Variants in ATRX observed in about 807,000 individuals in gnomAD.
ATRX encodes the protein chromatin remodeler ATRX.
A neutral mutation model predicts 172.6 loss-of-function variants in ATRX; 12 were observed. That is an observed-to-expected ratio of 0.07 (90% CI 0.04 to 0.11). ATRX has a LOEUF of 0.11. Ranked by LOEUF, ATRX falls within the 10% of genes least tolerant of loss-of-function variation. The pLI is 1.00. For missense variants in ATRX, 1,368 were observed against 1,767.4 expected, an observed-to-expected ratio of 0.77 and a Z score of 4.05; for synonymous variants, 674 against 594.7, an observed-to-expected ratio of 1.13 and a Z score of -1.94.
At chrX:77,672,940 C>A (rs534716133) in intron 10 of ATRX, among the ~76,000 whole-genome samples, 2 of 110,926 alleles carry the variant, frequency 1.8e-5, no homozygotes, top group East Asian at 2.8e-4. Flanking sequence ...GCAAAATAAG[C>A]GAATAAAGAA....
At chrX:77,761,500 G>A (rs1557192718) in intron 1 of ATRX, among the ~76,000 whole-genome samples, 1 of 111,409 alleles carries the variant, frequency 9.0e-6, no homozygotes, top group Non-Finnish European at 1.9e-5. Flanking sequence ...TCATGCCTCT[G>A]CACTCCAGCT....
At chrX:77,693,650 G>A (rs1269938426) in intron 6 of ATRX, among the ~76,000 whole-genome samples, 174 bp downstream of exon 6, 2 of 111,835 alleles carry the variant, frequency 1.8e-5, no homozygotes, top group African/African-American at 6.5e-5. Flanking sequence ...TTCGATAAAT[G>A]GTGCTTAACC....
chrX:77,631,449 A>T (rs782085928), intron 19 of ATRX, among the ~76,000 whole-genome samples: 10 of 111,322 alleles, frequency 9.0e-5, no homozygotes, highest in Admixed American at 1.9e-4. Context: ...AGGGACAGGT[A>T]AAAGTAGCAG....
At chrX:77,510,214 G>T (rs1396096685) in intron 34 of ATRX, among the ~76,000 whole-genome samples, 1 of 111,493 alleles carries the variant, frequency 9.0e-6, no homozygotes, top group Non-Finnish European at 1.9e-5. Context: ...TCTCTTGAAG[G>T]AAATGACTCA....
chrX:77,682,877 T>C lies in ATRX; in HGVS notation c.2379A>G (p.Lys793=). Reference sequence around the variant, plus strand: ...TAGAGCTCTTAGCTGATTTGCCCTTTTTAGTATCAAAATCTGAGCCAGATG... The same window carrying C: ...TAGAGCTCTTAGCTGATTTGCCCTTCTTAGTATCAAAATCTGAGCCAGATG... The part of the protein sequence containing the change: ...SSTSGSDFDT[K]KGKSAKSSII... Residue 793 remains lysine, a synonymous_variant, in exon 9 of 35, where the codon AAA becomes AAG. Coordinates refer to ENST00000373344, the MANE Select transcript of ATRX (RefSeq NM_000489.6). The C allele has an allele frequency of 8.3e-7, 1 of 1,209,989 alleles. No individual in the cohort carries two copies. The highest frequency in any genetic ancestry group is 1.1e-6 in the Non-Finnish European group (1 of 895,049).
At chrX:77,611,411 G>C (rs1027944529) in intron 22 of ATRX, among the ~76,000 whole-genome samples, 3 of 111,908 alleles carry the variant, frequency 2.7e-5, no homozygotes, top group African/African-American at 6.5e-5. Flanking sequence ...AAATTTAGTA[G>C]TGTTCTGCAT....
At chrX:77,765,045 T>C (rs1430150760) in intron 1 of ATRX, among the ~76,000 whole-genome samples, 4 of 110,642 alleles carry the variant, frequency 3.6e-5, no homozygotes, top group Admixed American at 1.9e-4. Flanking sequence ...TGGGTGCCTG[T>C]AATCCCAGCT....
rs781872907 is a variant in ATRX, at chrX:77,746,065, T to C, written c.21-28822A>G. ...ATACACTGTTGGTGGGAATAACACA[T>C]GTTCTCATTCACATGTGGATGCTGA... is the stretch of plus-strand genomic sequence containing the variant. On this transcript the variant is annotated intron_variant, in intron 1 of 34. Transcript: ENST00000373344. Among the ~76,000 whole-genome samples the C allele has an allele frequency of 1.9e-4, 21 of 111,690 alleles. 1 individual carries two copies. The highest frequency in any genetic ancestry group is 6.2e-4 in the African/African-American group (19 of 30,773).
Position 77,683,111 on chromosome X carries a change from T to C in ATRX, c.2145A>G (p.Lys715=), listed in dbSNP as rs782141994. 2 of 1,210,975 alleles carry C rather than the reference T, an allele frequency of 1.7e-6. No homozygotes were observed. The highest frequency in any genetic ancestry group is 4.3e-5 in the Admixed American group (2 of 46,002). ...DSAIDNPKPN[K]LPKSKQSETV... is the part of the protein sequence containing the mutation. ...TCTCTGATTGCTTAGATTTTGGCAA[T>C]TTATTAGGCTTAGGATTATCTATAG... The change falls in exon 9 of 35, where the codon AAA becomes AAG. Residue 715 remains lysine (K), a synonymous_variant. Transcript: ENST00000373344.
intron 2 of ATRX, among the ~76,000 whole-genome samples, chrX:77,701,271 G>A (rs781998572): frequency 2.0e-3 from 226 of 111,205 alleles, no homozygotes; most frequent in African/African-American, 6.9e-3. Flanking sequence ...TAGCACTTTG[G>A]GAGGCTGAGG....
intron 17 of ATRX, 30 bp downstream of exon 17, chrX:77,634,564 C>G (rs781802700): frequency 1.3e-5 from 15 of 1,117,760 alleles, no homozygotes; most frequent in Non-Finnish European, 1.9e-5. Flanking sequence ...TCCACAAAAA[C>G]AGGATACCTT....
intron 9 of ATRX, among the ~76,000 whole-genome samples, chrX:77,677,981 CG>C (rs1203599617): frequency 1.8e-5 from 2 of 110,767 alleles, no homozygotes; most frequent in African/African-American, 6.6e-5. Context: ...CTGAGGCAGG[CG>C]GATCACTTGA....
intron 27 of ATRX, among the ~76,000 whole-genome samples, chrX:77,582,602 C>T (rs2065865936): frequency 9.0e-6 from 1 of 110,572 alleles, no homozygotes; most frequent in Non-Finnish European, 1.9e-5. Context: ...AACTTTGAGA[C>T]AGACTAAGCA....
chrX:77,665,442 C>T (rs1462332740), intron 10 of ATRX, among the ~76,000 whole-genome samples: 1 of 111,142 alleles, frequency 9.0e-6, no homozygotes, highest in Non-Finnish European at 1.9e-5. Flanking sequence ...GTAAAAAGAA[C>T]ACGAATTACC....
intron 15 of ATRX, among the ~76,000 whole-genome samples, chrX:77,636,830 AAGGAGGAAGGAGGTGGAAGG>A (rs1473857722): frequency 9.6e-6 from 1 of 103,704 alleles, no homozygotes; most frequent in Non-Finnish European, 2.0e-5. Flanking sequence ...AGGAAGCAGG[AAGGAGGAAGGAGGTGGAAGG>A]AGGAGGAAGG....
chrX:77,512,862 TC>T (rs2062917691), intron 34 of ATRX, among the ~76,000 whole-genome samples: 1 of 110,177 alleles, frequency 9.1e-6, no homozygotes, highest in Non-Finnish European at 1.9e-5. Flanking sequence ...ACAGTGAAAC[TC>T]CGTCTCAAAA....
At chrX:77,516,243 A>G (rs938980842) in intron 34 of ATRX, among the ~76,000 whole-genome samples, 1 of 112,176 alleles carries the variant, frequency 8.9e-6, no homozygotes, top group Admixed American at 9.5e-5. Flanking sequence ...TAAAAACAGA[A>G]TAACAGTGAA....
chrX:77,716,263 C>T (rs1215994356), intron 2 of ATRX, among the ~76,000 whole-genome samples: 4 of 78,558 alleles, frequency 5.1e-5, no homozygotes, highest in African/African-American at 2.1e-4. Flanking sequence ...TACACCACTA[C>T]ACTCCAGTCT....
rs2076737978 is a variant in ATRX, at chrX:77,786,054, G to C, written c.-53C>G. On this transcript the variant is annotated 5_prime_UTR_variant, in exon 1 of 35. Coordinates refer to ENST00000373344, the MANE Select transcript of ATRX (RefSeq NM_000489.6). The stretch of plus-strand genomic sequence containing the variant: ...CTGTGATTGCTGGGCGCCGATCTGC[G>C]CTCCCCCGCGCCCGGTTACGATAGA... 1.7e-6 allele frequency: 2 copies of C among 1,148,085 alleles called. No individual in the cohort carries two copies. Among genetic ancestry groups the C allele is most frequent in the South Asian group, 1.9e-5 (1 of 52,035 alleles). 94.6% of individuals were successfully genotyped at this position (1,148,085 alleles called of 1,213,427 possible).
Sources: gnomAD v4.1 joint callset for allele counts (sites outside exome capture counted in the v4.1 genomes callset) on GRCh38, gnomAD v4.1.1 for gene constraint, MANE v1.5 for transcripts, NCBI Gene and HGNC (gene_info 2026-07-23, HGNC 2026-07-21) for gene names.